SAMD15: variants seen among roughly 807,000 people sequenced by gnomAD.
The protein encoded by SAMD15 is sterile alpha motif domain-containing protein 15.
A neutral mutation model predicts 50.5 loss-of-function variants in SAMD15; 37 were observed. The ratio of observed to expected loss-of-function variants is 0.73; its 90% CI spans 0.56 to 0.96. SAMD15 has a LOEUF of 0.96. Ranked by LOEUF, SAMD15 falls within the 40% of genes least tolerant of loss-of-function variation. The pLI is 0.00. For missense variants in SAMD15, 789 were observed against 783.8 expected (o/e 1.01, Z -0.08); for synonymous variants, 255 against 282.8 (o/e 0.90, Z 0.99).
At chr14:77,390,576 ATTATT>A (rs964999617) in intron 2 of SAMD15, among the ~76,000 whole-genome samples, 25 of 152,280 alleles carry the variant, frequency 1.6e-4, no homozygotes, top group African/African-American at 5.8e-4. Flanking sequence ...AATTTGTTTC[ATTATT>A]TTATTTCCCC....
intron 2 of SAMD15, among the ~76,000 whole-genome samples, chr14:77,387,729 C>G (rs1894020035): frequency 6.6e-6 from 1 of 151,978 alleles, no homozygotes; most frequent in Non-Finnish European, 1.5e-5. Flanking sequence ...TATATATACT[C>G]CCTTCCCAAA....
Position 77,380,485 on chromosome 14 carries a change from A to G in SAMD15, c.1788+4A>G, listed in dbSNP as rs75213265. 1,029 of 1,600,106 alleles carry G rather than the reference A, an allele frequency of 6.4e-4. 4 individuals are homozygous for G. In the African/African-American group the frequency reaches 0.011, roughly 18 times the overall value. Reference sequence around the variant, plus strand: ...AACAAACTTTGAGGACATGAAGGTGAGTTGTGTCCAAAGTTTCCCTACAGA... The same window carrying G: ...AACAAACTTTGAGGACATGAAGGTGGGTTGTGTCCAAAGTTTCCCTACAGA... On this transcript the variant is annotated splice_donor_region_variant and intron_variant, in intron 2 of 2. Coordinates refer to ENST00000216471, the MANE Select transcript of SAMD15 (RefSeq NM_001010860.4).
In SAMD15 at chr14:77,378,612, G is replaced by A; in HGVS notation, c.1194G>A (p.Lys398=). The change falls in exon 1 of 3, where the codon AAG becomes AAA. Residue 398 remains lysine, a synonymous_variant. Transcript: ENST00000216471. ...AAGTTGAAGAGAAAACACAAACAAA[G>A]CCAACTGAGAAAATTCTAGAGTTAC... ...NPQVEEKTQT[K]PTEKILELPD... 6.2e-7 allele frequency: 1 copy of A among 1,613,794 alleles called. No homozygotes were observed. Among genetic ancestry groups the A allele is most frequent in the African/African-American group, 1.3e-5 (1 of 74,972 alleles).
Position 77,378,755 on chromosome 14 carries a change from G to T in SAMD15, c.1337G>T (p.Arg446Ile), listed in dbSNP as rs755641676. The T allele has an allele frequency of 3.7e-6, 6 of 1,611,748 alleles. No individual in the cohort carries two copies. In the South Asian group the frequency reaches 6.6e-5, roughly 18 times the overall value. Residue 446 changes from arginine to isoleucine, a missense_variant, in exon 1 of 3, where the codon AGA becomes ATA. Around this residue, in one of 2 missense-constraint regions of SAMD15, gnomAD observed 770 missense variants for 745.4 expected, o/e 1.03. Coordinates refer to ENST00000216471, the MANE Select transcript of SAMD15 (RefSeq NM_001010860.4). ...NDELEHREPK[R>I]GKLSLSDKFR... ...GAGCTAGAGCACCGTGAGCCTAAAA[G>T]AGGAAAGTTGTCACTAAGTGACAAA...
intron 2 of SAMD15, among the ~76,000 whole-genome samples, chr14:77,383,194 G>C (rs772240473): frequency 3.9e-5 from 6 of 152,074 alleles, no homozygotes; most frequent in Non-Finnish European, 7.4e-5. Context: ...TCTGCCTACG[G>C]AGCAGCCATA....
At chr14:77,390,257 A>T (rs933635406) in intron 2 of SAMD15, among the ~76,000 whole-genome samples, 7 of 152,028 alleles carry the variant, frequency 4.6e-5, no homozygotes, top group African/African-American at 7.2e-5. Context: ...CTGCCTCCCA[A>T]AGTGCTGGGA....
At chr14:77,383,969 C>T (rs1354327320) in intron 2 of SAMD15, among the ~76,000 whole-genome samples, 1 of 106,416 alleles carries the variant, frequency 9.4e-6, no homozygotes, top group Admixed American at 1.2e-4. Context: ...CAGAGCAAGA[C>T]TCAGTCTCAA....
chr14:77,383,675 T>A (rs1357242052), intron 2 of SAMD15, among the ~76,000 whole-genome samples: 1 of 152,066 alleles, frequency 6.6e-6, no homozygotes, highest in East Asian at 1.9e-4. Flanking sequence ...TAGACCCACA[T>A]GAAAAAGCTG....
chr14:77,378,825 A>C lies in SAMD15; in HGVS notation c.1407A>C (p.Glu469Asp), dbSNP rs144413982. ...YYALGSLRES[E>D]ESIGTHYEFL... The stretch of plus-strand genomic sequence containing the variant: ...CATTAGGATCTCTCAGAGAAAGTGA[A>C]GAATCAATTGGTACACATTATGAGT... The change falls in exon 1 of 3, where the codon GAA becomes GAC. Residue 469 changes from glutamate to aspartate, a missense_variant. This residue lies in a region of SAMD15 where 770 missense variants were observed against 745.4 expected (regional missense o/e 1.03). Coordinates refer to ENST00000216471, the MANE Select transcript of SAMD15 (RefSeq NM_001010860.4). The C allele has an allele frequency of 6.8e-6, 11 of 1,613,342 alleles. No individual in the cohort carries two copies. In the African/African-American group the frequency reaches 1.2e-4, roughly 18 times the overall value.
At chr14:77,384,045 A>G (rs1893978344) in intron 2 of SAMD15, among the ~76,000 whole-genome samples, 1 of 151,592 alleles carries the variant, frequency 6.6e-6, no homozygotes, top group South Asian at 2.1e-4. Context: ...CTAGGAGGTC[A>G]TACATGCTGT....
chr14:77,382,952 A>G (rs1306388466), intron 2 of SAMD15, among the ~76,000 whole-genome samples: 1 of 136,438 alleles, frequency 7.3e-6, no homozygotes, highest in Non-Finnish European at 1.6e-5. Context: ...CTGACCTCAG[A>G]TCCACCCGCC....
intron 2 of SAMD15, among the ~76,000 whole-genome samples, chr14:77,388,995 C>T (rs1212952309): frequency 6.6e-6 from 1 of 152,068 alleles, no homozygotes; most frequent in Non-Finnish European, 1.5e-5. Flanking sequence ...AGGAGGATGG[C>T]TTGAACCCAG....
In SAMD15 at chr14:77,379,119, T is replaced by G. The variant is rs756999646; in HGVS notation, c.1689+12T>G. 1 of 1,604,280 alleles carries G rather than the reference T, an allele frequency of 6.2e-7. No individual in the cohort carries two copies. The highest frequency in any genetic ancestry group is 8.5e-7 in the Non-Finnish European group (1 of 1,175,480). ...TCCCTCAATACAAGGTATACAAAAA[T>G]AAGATGTTTTGAAATCACATGCTGT... On this transcript the variant is annotated intron_variant, in intron 1 of 2. Coordinates refer to ENST00000216471, the MANE Select transcript of SAMD15 (RefSeq NM_001010860.4).
chr14:77,385,797 T>TA (rs1392737079), intron 2 of SAMD15, among the ~76,000 whole-genome samples: 1 of 151,588 alleles, frequency 6.6e-6, no homozygotes, highest in Non-Finnish European at 1.5e-5. Context: ...TACTCTATAA[T>TA]ACAGTTAGAT....
intron 2 of SAMD15, among the ~76,000 whole-genome samples, chr14:77,382,384 A>G (rs1893953560): frequency 6.6e-6 from 1 of 152,120 alleles, no homozygotes; most frequent in African/African-American, 2.4e-5. Flanking sequence ...CGGCCTCTCA[A>G]AATGCTGGGA....
intron 2 of SAMD15, among the ~76,000 whole-genome samples, chr14:77,384,861 T>C (rs753776107): frequency 3.9e-5 from 6 of 152,116 alleles, no homozygotes; most frequent in Admixed American, 2.6e-4. Flanking sequence ...TTATTTCGTA[T>C]CTATCTGTGT....
Position 77,378,220 on chromosome 14 carries a change from G to C in SAMD15, c.802G>C (p.Glu268Gln). The C allele has an allele frequency of 6.2e-7, 1 of 1,613,902 alleles. No individual in the cohort carries two copies. The highest frequency in any genetic ancestry group is 8.5e-7 in the Non-Finnish European group (1 of 1,179,946). The change falls in exon 1 of 3, where the codon GAA becomes CAA. Residue 268 changes from glutamate to glutamine, a missense_variant. Physicochemically the swap from Glu to Gln is conservative, Grantham distance 29. Transcript: ENST00000216471. ...EQARLEFLEK[E>Q]PRKSSEEAGL... ...GGCTAGACTGGAATTTCTGGAGAAG[G>C]AACCAAGAAAGTCTAGTGAGGAGGC... is the stretch of plus-strand genomic sequence containing the variant.
At chr14:77,380,628 C>T (rs190299930) in intron 2 of SAMD15, 147 bp downstream of exon 2, 6 of 610,146 alleles carry the variant, frequency 9.8e-6, no homozygotes, top group Admixed American at 5.6e-5. Flanking sequence ...CGGTGGTTGC[C>T]TCCTCTTTCT....
rs1465078129 is a variant in SAMD15, at chr14:77,391,027, A to G, written c.1808A>G (p.Gln603Arg). The change falls in exon 3 of 3, where the codon CAG becomes CGG. Residue 603 changes from glutamine to arginine, a missense_variant. By Grantham distance (43) the Gln-to-Arg change is conservative (BLOSUM62 1). Around this residue, in one of 2 missense-constraint regions of SAMD15, gnomAD observed 770 missense variants for 745.4 expected, o/e 1.03. Coordinates refer to ENST00000216471, the MANE Select transcript of SAMD15 (RefSeq NM_001010860.4). ...EDMKAISRHT[Q>R]ELLEIEEPLF... is the part of the protein sequence containing the mutation. ...TTTCAGGCAATTTCTCGGCATACGCAGGAGCTCCTGGAAATTGAAGAGCCA... is the reference window on the plus strand; with the variant it reads ...TTTCAGGCAATTTCTCGGCATACGCGGGAGCTCCTGGAAATTGAAGAGCCA... 18 of 1,611,968 alleles carry G rather than the reference A, an allele frequency of 1.1e-5. No homozygotes were observed. In the Admixed American group the frequency reaches 2.3e-4, roughly 21 times the overall value.
Sources: gnomAD v4.1 joint callset for allele counts (sites outside exome capture counted in the v4.1 genomes callset) on GRCh38, gnomAD v4.1.1 for gene constraint, gnomAD v4.1.1 regional missense constraint, MANE v1.5 for transcripts, NCBI Gene and HGNC (gene_info 2026-07-23, HGNC 2026-07-21) for gene names.